NTM: variants seen among roughly 807,000 people sequenced by gnomAD.
NTM encodes the protein neurotrimin, also known as IgLON family member 2.
Under a neutral mutation model 42.1 loss-of-function variants are expected in NTM, and 13 were observed. That is an observed-to-expected ratio of 0.31 (90% CI 0.20 to 0.49). NTM has a LOEUF of 0.49. NTM is among the 20% of genes least tolerant of loss of function. The pLI is 0.99. For synonymous variants in NTM, 187 were observed against 179.2 expected, an observed-to-expected ratio of 1.04 and a Z score of -0.35; for missense variants, 373 against 452.8, an observed-to-expected ratio of 0.82 and a Z score of 1.60.
At chr11:131,488,997 T>G (rs1484773505) in intron 1 of NTM, among the ~76,000 whole-genome samples, 1 of 152,226 alleles carries the variant, frequency 6.6e-6, no homozygotes, top group Admixed American at 6.5e-5. Context: ...CACTGTGCAT[T>G]AAGCCTTCCT....
intron 1 of NTM, among the ~76,000 whole-genome samples, chr11:131,849,243 A>T (rs2045257131): frequency 6.6e-6 from 1 of 152,198 alleles, no homozygotes; most frequent in South Asian, 2.1e-4. Flanking sequence ...AAGTAGAACT[A>T]TATTAGGCCA....
At chr11:131,654,989 A>T (rs1192262704) in intron 1 of NTM, among the ~76,000 whole-genome samples, 1 of 152,102 alleles carries the variant, frequency 6.6e-6, no homozygotes. Context: ...CATGTACTCA[A>T]TCGGAAATGC....
At chr11:131,384,534 G>T (rs750331971) in intron 1 of NTM, among the ~76,000 whole-genome samples, 11 of 150,414 alleles carry the variant, frequency 7.3e-5, no homozygotes, top group Non-Finnish European at 1.6e-4. Flanking sequence ...GAAAATGAGT[G>T]TAATTATTTC....
At chr11:131,497,713 C>A (rs1955501631) in intron 1 of NTM, among the ~76,000 whole-genome samples, 1 of 152,150 alleles carries the variant, frequency 6.6e-6, no homozygotes, top group South Asian at 2.1e-4. Context: ...CTCCAAAGAA[C>A]CAATGTATCA....
chr11:131,548,799 C>T (rs1249554034), intron 1 of NTM, among the ~76,000 whole-genome samples: 1 of 152,086 alleles, frequency 6.6e-6, no homozygotes, highest in Non-Finnish European at 1.5e-5. Flanking sequence ...GAAACAAGCC[C>T]ACAGCAAACT....
chr11:131,786,584 AT>A (rs1215646537), intron 1 of NTM, among the ~76,000 whole-genome samples: 3 of 152,118 alleles, frequency 2.0e-5, no homozygotes, highest in Admixed American at 6.5e-5. Flanking sequence ...GCTGTAGGGA[AT>A]TTTTTTTAAA....
intron 1 of NTM, among the ~76,000 whole-genome samples, chr11:131,689,661 G>A (rs923750032): frequency 1.3e-4 from 20 of 152,172 alleles, no homozygotes; most frequent in Non-Finnish European, 2.5e-4. Flanking sequence ...CTTCTGAGAG[G>A]ACGGAAAACG....
chr11:132,181,890 T>C (rs1043331908), intron 3 of NTM, among the ~76,000 whole-genome samples: 1 of 151,868 alleles, frequency 6.6e-6, no homozygotes, highest in African/African-American at 2.4e-5. Flanking sequence ...ATGCTGCACC[T>C]ATTAGAGTAC....
intron 4 of NTM, among the ~76,000 whole-genome samples, chr11:132,250,878 T>A (rs1377022671): frequency 2.0e-5 from 3 of 152,228 alleles, no homozygotes; most frequent in African/African-American, 7.2e-5. Context: ...TTTTCTATTT[T>A]ATGCTGTTCT....
At chr11:131,786,002 G>A (rs1320703749) in intron 1 of NTM, among the ~76,000 whole-genome samples, 3 of 152,192 alleles carry the variant, frequency 2.0e-5, no homozygotes, top group Admixed American at 1.3e-4. Flanking sequence ...GTGTCATTCT[G>A]CTGGAAAGTT....
intron 1 of NTM, among the ~76,000 whole-genome samples, chr11:131,418,726 A>C (rs1248598841): frequency 6.6e-6 from 1 of 152,184 alleles, no homozygotes; most frequent in East Asian, 1.9e-4. Flanking sequence ...GAGAGATAAA[A>C]CCAAAATCTA....
chr11:131,897,831 G>C (rs927982035), intron 1 of NTM, among the ~76,000 whole-genome samples: 1 of 152,158 alleles, frequency 6.6e-6, no homozygotes, highest in African/African-American at 2.4e-5. Context: ...TATGAGGGGA[G>C]AGTTTTTAAA....
At chr11:131,451,823 G>T (rs11607996) in intron 1 of NTM, among the ~76,000 whole-genome samples, 5,184 of 152,166 alleles carry the variant, frequency 0.034, 116 homozygotes, top group Non-Finnish European at 0.048. Flanking sequence ...AAGGAGAGAT[G>T]TGAGGAGGAG....
intron 1 of NTM, among the ~76,000 whole-genome samples, chr11:131,860,402 C>T (rs1164045815): frequency 6.6e-6 from 1 of 152,114 alleles, no homozygotes; most frequent in African/African-American, 2.4e-5. Flanking sequence ...CAAGAGGGTC[C>T]CACAGAGCCC....
intron 1 of NTM, among the ~76,000 whole-genome samples, chr11:131,760,788 C>A (rs2084043695): frequency 6.6e-6 from 1 of 152,102 alleles, no homozygotes. Context: ...GCCGGGGTGA[C>A]TAAAGAAACC....
rs375790107 is a variant in NTM at position 132,327,869 on chromosome 11, T to G, written c.935-2284T>G. 1.2e-4 allele frequency among the ~76,000 whole-genome samples: 18 copies of G among 151,552 alleles called. No homozygotes were observed. The East Asian group carries it at 1.9e-3, about 16-fold the overall frequency. On this transcript the variant is annotated intron_variant, in intron 7 of 8. Transcript: ENST00000683400. ...TTCCATCCTTTTTCTTCCTTTCTTT[T>G]CAACATATTTTCCCACCCTCCCTGA...
chr11:131,850,441 G>A lies in NTM; in HGVS notation c.83-61123G>A, dbSNP rs896344652. On this transcript the variant is annotated intron_variant, in intron 1 of 8. Transcript: ENST00000683400. ...AAGTCACACTTTTCTCCTTATAAAT[G>A]ACTCTTGGCCCCTGCAGAATACACA... 3.3e-5 allele frequency among the ~76,000 whole-genome samples: 5 copies of A among 152,088 alleles called. 1 individual carries two copies. Among genetic ancestry groups the A allele is most frequent in the Admixed American group, 3.3e-4 (5 of 15,274 alleles).
intron 2 of NTM, among the ~76,000 whole-genome samples, chr11:131,970,531 T>A (rs768186820): frequency 6.6e-6 from 1 of 152,248 alleles, no homozygotes; most frequent in Non-Finnish European, 1.5e-5. Flanking sequence ...TCCTAGGACC[T>A]GCAGACAGAG....
intron 2 of NTM, among the ~76,000 whole-genome samples, chr11:132,019,877 G>A (rs1181279520): frequency 1.3e-5 from 2 of 151,216 alleles, no homozygotes; most frequent in Non-Finnish European, 3.0e-5. Context: ...GGGGGTACAT[G>A]TGCAGGTTTG....
Sources: gnomAD v4.1 joint callset for allele counts (sites outside exome capture counted in the v4.1 genomes callset) on GRCh38, gnomAD v4.1.1 for gene constraint, MANE v1.5 for transcripts, NCBI Gene and HGNC (gene_info 2026-07-23, HGNC 2026-07-21) for gene names.